MYOZ2: variants seen among roughly 807,000 people sequenced by gnomAD.
MYOZ2 encodes the protein myozenin-2.
Under a neutral mutation model 25.4 loss-of-function variants are expected in MYOZ2, and 19 were observed. The observed-to-expected ratio is 0.75, with a 90% CI of 0.52 to 1.10. MYOZ2 has a LOEUF of 1.10. Ranked by LOEUF, MYOZ2 falls within the 50% of genes least tolerant of loss-of-function variation. The pLI, the probability that MYOZ2 is intolerant of heterozygous loss-of-function variation, is 0.00. For synonymous variants in MYOZ2, 92 were observed against 106.9 expected (o/e 0.86, Z 0.86); for missense variants, 270 against 317.9 (o/e 0.85, Z 1.15).
At chr4:119,143,019 G>A (rs1031337435) in intron 2 of MYOZ2, among the ~76,000 whole-genome samples, 34 of 152,092 alleles carry the variant, frequency 2.2e-4, no homozygotes, top group Non-Finnish European at 2.2e-4. Context: ...AGCATCAAGG[G>A]AGGGTCTTTT....
At chr4:119,157,220 TA>T (rs927865176) in intron 3 of MYOZ2, among the ~76,000 whole-genome samples, 34 of 151,910 alleles carry the variant, frequency 2.2e-4, no homozygotes, top group African/African-American at 7.3e-4. Flanking sequence ...CGCTTCTTTT[TA>T]AAATACACAT....
At chr4:119,171,816 A>C (rs200978874) in intron 5 of MYOZ2, among the ~76,000 whole-genome samples, 3 of 149,324 alleles carry the variant, frequency 2.0e-5, no homozygotes, top group South Asian at 2.1e-4. Context: ...CAAACACACA[A>C]ACACACACAC....
chr4:119,185,871 C>T (rs1742281855), intron 5 of MYOZ2, 95 bp from the exon 6 acceptor site: 9 of 960,368 alleles, frequency 9.4e-6, no homozygotes, highest in Non-Finnish European at 1.4e-5. Flanking sequence ...ATTAAATACA[C>T]CCATAAAATC....
At position 119,160,190 on chromosome 4, in the gene MYOZ2, C is replaced by T. The variant is rs548772851; in HGVS notation, c.376+2039C>T. On this transcript the variant is annotated intron_variant, in intron 4 of 5. Transcript: ENST00000307128. ...GTGATGGTATGCGAATAGTCCCTAACATATAATAAGCACTCAGTTAAAGTT... is the reference window on the plus strand; with the variant it reads ...GTGATGGTATGCGAATAGTCCCTAATATATAATAAGCACTCAGTTAAAGTT... 2.3e-4 allele frequency among the ~76,000 whole-genome samples: 35 copies of T among 152,258 alleles called. 1 individual carries two copies. The highest frequency in any genetic ancestry group is 2.3e-3 in the Admixed American group (35 of 15,282).
At chr4:119,164,440 A>AT in intron 5 of MYOZ2, 46 bp downstream of exon 5, 1 of 1,597,388 alleles carries the variant, frequency 6.3e-7, no homozygotes, top group Non-Finnish European at 8.6e-7. Flanking sequence ...CAATACCAAA[A>AT]TTTTTTCATC....
At chr4:119,169,279 A>G (rs1561125580) in intron 5 of MYOZ2, among the ~76,000 whole-genome samples, 1 of 152,254 alleles carries the variant, frequency 6.6e-6, no homozygotes, top group Non-Finnish European at 1.5e-5. Context: ...TGGGAAATAA[A>G]AAATTTCATG....
chr4:119,164,827 A>T (rs1020408024), intron 5 of MYOZ2, among the ~76,000 whole-genome samples: 7 of 152,114 alleles, frequency 4.6e-5, no homozygotes, highest in African/African-American at 1.7e-4. Flanking sequence ...TGCAGGCTTT[A>T]GGACAGATTA....
intron 4 of MYOZ2, 35 bp from the exon 5 acceptor site, chr4:119,164,176 C>T: frequency 1.3e-6 from 2 of 1,587,844 alleles, no homozygotes; most frequent in Non-Finnish European, 1.7e-6. Context: ...CTCTCGGGCA[C>T]AGTATTTACT....
chr4:119,155,751 A>C (rs1361869871), intron 3 of MYOZ2, among the ~76,000 whole-genome samples: 1 of 152,236 alleles, frequency 6.6e-6, no homozygotes, highest in African/African-American at 2.4e-5. Context: ...GAGTAATGCC[A>C]TACCAGCATT....
intron 3 of MYOZ2, among the ~76,000 whole-genome samples, chr4:119,157,121 T>G (rs1250925575): frequency 6.6e-6 from 1 of 152,136 alleles, no homozygotes; most frequent in African/African-American, 2.4e-5. Flanking sequence ...TTTCTGTATG[T>G]CACACACAAA....
chr4:119,150,834 A>T (rs1741430364), intron 2 of MYOZ2, 38 bp from the exon 3 acceptor site: 8 of 1,590,706 alleles, frequency 5.0e-6, no homozygotes, highest in Non-Finnish European at 6.0e-6. Flanking sequence ...AAAAATGCTT[A>T]CCTTGGGATT....
chr4:119,169,688 TG>T (rs1741907249), intron 5 of MYOZ2, among the ~76,000 whole-genome samples: 1 of 152,152 alleles, frequency 6.6e-6, no homozygotes, highest in East Asian at 1.9e-4. Context: ...GCTTCAAGTC[TG>T]GGAACACCAA....
intron 5 of MYOZ2, among the ~76,000 whole-genome samples, chr4:119,182,267 A>G (rs1742198561): frequency 6.6e-6 from 1 of 152,218 alleles, no homozygotes; most frequent in African/African-American, 2.4e-5. Context: ...GGCTGGATAA[A>G]GGATGTAATG....
Position 119,187,156 on chromosome 4 carries a change from C to T in MYOZ2, c.*956C>T, listed in dbSNP as rs1721387590. 1 of 152,090 alleles carries T rather than the reference C, an allele frequency of 6.6e-6. No individual in the cohort carries two copies. Among genetic ancestry groups the T allele is most frequent in the South Asian group, 2.1e-4 (1 of 4,826 alleles). 9.4% of individuals were successfully genotyped at this position (152,090 alleles called of 1,614,324 possible). On this transcript the variant is annotated 3_prime_UTR_variant, in exon 6 of 6. Coordinates refer to ENST00000307128, the MANE Select transcript of MYOZ2 (RefSeq NM_016599.5). Reference sequence around the variant, plus strand: ...ACAAAAACAAAGGGCATGAAAGTATCTGAAAGCAATGTAGCACATATCTAT... The same window carrying T: ...ACAAAAACAAAGGGCATGAAAGTATTTGAAAGCAATGTAGCACATATCTAT...
intron 4 of MYOZ2, among the ~76,000 whole-genome samples, chr4:119,161,137 G>A (rs1353112808): frequency 6.6e-6 from 1 of 151,924 alleles, no homozygotes; most frequent in African/African-American, 2.4e-5. Flanking sequence ...TATGAATGAG[G>A]ACATGCAATG....
chr4:119,141,648 C>T (rs1741160625), intron 2 of MYOZ2, among the ~76,000 whole-genome samples: 1 of 152,162 alleles, frequency 6.6e-6, no homozygotes, highest in Non-Finnish European at 1.5e-5. Context: ...TCCCAAAGTG[C>T]TGGGATTACA....
At chr4:119,173,749 C>A (rs1741993104) in intron 5 of MYOZ2, among the ~76,000 whole-genome samples, 1 of 152,196 alleles carries the variant, frequency 6.6e-6, no homozygotes. Flanking sequence ...AAGGCCGGCG[C>A]CCACTCCCTC....
chr4:119,163,753 A>T (rs1224893491), intron 4 of MYOZ2, among the ~76,000 whole-genome samples: 1 of 151,806 alleles, frequency 6.6e-6, no homozygotes, highest in Admixed American at 6.6e-5. Flanking sequence ...AGACCCAAAC[A>T]TCACCTCTAA....
At chr4:119,162,793 G>A (rs1408543222) in intron 4 of MYOZ2, among the ~76,000 whole-genome samples, 1 of 152,160 alleles carries the variant, frequency 6.6e-6, no homozygotes, top group Non-Finnish European at 1.5e-5. Flanking sequence ...GGATGAGGGA[G>A]ACTTTCGGAT....
Sources: allele counts gnomAD v4.1 joint callset (sites outside exome capture counted in the v4.1 genomes callset), GRCh38; gene constraint gnomAD v4.1.1; transcripts MANE v1.5; gene names NCBI Gene and HGNC (gene_info 2026-07-23, HGNC 2026-07-21).